Variants in CHST15 observed in about 807,000 individuals in gnomAD.
CHST15 encodes carbohydrate sulfotransferase 15, also known as B cell RAG associated protein (GALNAC4S-6ST).
A neutral mutation model predicts 53.6 loss-of-function variants in CHST15; 30 were observed. The observed-to-expected ratio is 0.56, with a 90% CI of 0.42 to 0.76. The LOEUF is 0.76. Among genes scored for constraint, CHST15 ranks in the 30% least tolerant of loss-of-function variants. The pLI is 0.00. For missense variants in CHST15, 627 were observed against 740.5 expected, an observed-to-expected ratio of 0.85 and a Z score of 1.78; for synonymous variants, 296 against 289.8, an observed-to-expected ratio of 1.02 and a Z score of -0.22.
At position 124,074,428 on chromosome 10, in the gene CHST15, T is replaced by C. The variant is rs1949013892; in HGVS notation, c.-513+19041A>G. Among the ~76,000 whole-genome samples, 1 of 152,152 alleles carries C rather than the reference T, an allele frequency of 6.6e-6. No individual in the cohort carries two copies. The highest frequency in any genetic ancestry group is 2.1e-4 in the South Asian group (1 of 4,834). On this transcript the variant is annotated intron_variant, in intron 1 of 7. Coordinates refer to ENST00000435907, the MANE Select transcript of CHST15 (RefSeq NM_001270764.2). This position sits in a 1 kb window ranked among gnomAD's most constrained non-coding sequence, Gnocchi z 4.4. ...GTGGCAGGTAGGGGCGGGGGCCTAGTTGGGAGCATCGCCCAGTTGTGATCA... is the reference window on the plus strand; with the variant it reads ...GTGGCAGGTAGGGGCGGGGGCCTAGCTGGGAGCATCGCCCAGTTGTGATCA...
intron 1 of CHST15, among the ~76,000 whole-genome samples, chr10:124,087,308 A>G (rs1171688090): frequency 6.6e-6 from 1 of 152,108 alleles, no homozygotes; most frequent in Non-Finnish European, 1.5e-5. Context: ...TGGGATCGCC[A>G]CTTCTCCTTG....
chr10:124,066,722 G>A (rs994681702), intron 1 of CHST15, among the ~76,000 whole-genome samples: 1 of 152,208 alleles, frequency 6.6e-6, no homozygotes, highest in Non-Finnish European at 1.5e-5. Flanking sequence ...AAGAGGTGGA[G>A]ACCTTTCATC....
chr10:124,089,739 CT>C (rs1208903536), intron 1 of CHST15, among the ~76,000 whole-genome samples: 2 of 152,174 alleles, frequency 1.3e-5, no homozygotes, highest in Admixed American at 1.3e-4. Flanking sequence ...CCAAGCCTTG[CT>C]TTGCATCACC....
chr10:124,042,246 G>A, intron 4 of CHST15, 55 bp downstream of exon 4: 10 of 1,558,424 alleles, frequency 6.4e-6, no homozygotes, highest in Middle Eastern at 1.9e-4. Flanking sequence ...CCTGGAGCCA[G>A]AGCCAGGACC....
chr10:124,044,437 T>C (rs1190614051), intron 3 of CHST15, 143 bp downstream of exon 3: 6 of 672,720 alleles, frequency 8.9e-6, no homozygotes, highest in Non-Finnish European at 1.4e-5. Context: ...TGCTGGGTCT[T>C]TGCCTGGGAA....
intron 1 of CHST15, among the ~76,000 whole-genome samples, chr10:124,085,159 A>T (rs1381312206): frequency 1.4e-4 from 22 of 152,226 alleles, no homozygotes; most frequent in Admixed American, 1.4e-3. Context: ...AGTCCCTAAA[A>T]ATACATGCCA....
Position 124,081,757 on chromosome 10 carries a change from C to T in CHST15, c.-513+11712G>A, listed in dbSNP as rs531686479. 9.9e-5 allele frequency among the ~76,000 whole-genome samples: 15 copies of T among 152,270 alleles called. No homozygotes were observed. The South Asian group carries it at 3.1e-3, about 32-fold the overall frequency. ...ACAGCCGCCCTGTGGGACCACACCC[C>T]CAGGCCATGCAAGAAACCTGGCCCA... On this transcript the variant is annotated intron_variant, in intron 1 of 7. Transcript: ENST00000435907.
chr10:124,009,476 G>A lies in CHST15; in HGVS notation c.*673C>T. 1 of 989,032 alleles carries A rather than the reference G, an allele frequency of 1.0e-6. No homozygotes were observed. Among genetic ancestry groups the A allele is most frequent in the Non-Finnish European group, 1.2e-6 (1 of 832,140 alleles). 61.3% of individuals were successfully genotyped at this position (989,032 alleles called of 1,614,324 possible). A position where few individuals can be genotyped will look rare whatever the true frequency, so the allele number is the denominator to read the frequency against. ...AAAACTGACTTATTTTTTTCCTTTT[G>A]GAAACAGTGACGTTAACAGGGTTTA... On this transcript the variant is annotated 3_prime_UTR_variant, in exon 8 of 8. Coordinates refer to ENST00000435907, the MANE Select transcript of CHST15 (RefSeq NM_001270764.2).
intron 1 of CHST15, among the ~76,000 whole-genome samples, chr10:124,088,612 C>T (rs1949511932): frequency 6.6e-6 from 1 of 152,222 alleles, no homozygotes. Flanking sequence ...ATCCCTCCTC[C>T]TGCACATCCG....
In CHST15 at chr10:124,044,835, C is replaced by A. The variant is rs748985634; in HGVS notation, c.631G>T (p.Asp211Tyr). The A allele has an allele frequency of 6.5e-7, 1 of 1,548,642 alleles. No homozygotes were observed. The highest frequency in any genetic ancestry group is 2.4e-5 in the East Asian group (1 of 41,788). Residue 211 changes from aspartate (D) to tyrosine (Y), a missense_variant, in exon 3 of 8, where the codon GAC becomes TAC. Asp to Tyr is a radical substitution (Grantham distance 160). Around this residue, in one of 3 missense-constraint regions of CHST15, gnomAD observed 161 missense variants for 117.2 expected, o/e 1.37. Transcript: ENST00000435907. ...ACGTAGGAGTTGGTGAGGTAGGGGT[C>A]GGTGGTGTTCTGCCCCGAGAACTCC... ...YEEFSGQNTT[D>Y]PYLTNSYVLY... is the part of the protein sequence containing the mutation.
chr10:124,078,149 A>T (rs1949132547), intron 1 of CHST15, among the ~76,000 whole-genome samples: 1 of 152,232 alleles, frequency 6.6e-6, no homozygotes, highest in Admixed American at 6.5e-5. Flanking sequence ...CATTGCAGGT[A>T]AAGAAACAGA....
chr10:124,064,358 A>C (rs1590319569), intron 1 of CHST15, among the ~76,000 whole-genome samples: 2 of 152,220 alleles, frequency 1.3e-5, no homozygotes, highest in Admixed American at 1.3e-4. Context: ...GATGCAGTCA[A>C]AGTGCCTGTG....
At chr10:124,055,780 C>T (rs144898375) in intron 1 of CHST15, among the ~76,000 whole-genome samples, 8 of 152,300 alleles carry the variant, frequency 5.3e-5, no homozygotes, top group Admixed American at 6.5e-5. Context: ...TTTCCAGAAA[C>T]GCACCCATCC....
At chr10:124,042,959 C>A (rs1307428708) in intron 3 of CHST15, among the ~76,000 whole-genome samples, 1 of 152,168 alleles carries the variant, frequency 6.6e-6, no homozygotes, top group Admixed American at 6.5e-5. Context: ...CTCTCCTCCC[C>A]CTGTTCAATC....
At chr10:124,022,941 C>T (rs925496420) in intron 5 of CHST15, among the ~76,000 whole-genome samples, 3 of 151,688 alleles carry the variant, frequency 2.0e-5, no homozygotes, top group South Asian at 4.2e-4. Context: ...TTCAGCCTCC[C>T]GAGTAGTTGG....
intron 1 of CHST15, among the ~76,000 whole-genome samples, chr10:124,081,441 T>TC (rs2134214845): frequency 6.6e-6 from 1 of 152,234 alleles, no homozygotes; most frequent in East Asian, 1.9e-4. Flanking sequence ...AGACTTGATG[T>TC]AACAGCTGAT....
chr10:124,083,940 C>A (rs181014947), intron 1 of CHST15, among the ~76,000 whole-genome samples: 3 of 152,318 alleles, frequency 2.0e-5, no homozygotes, highest in East Asian at 3.9e-4. Flanking sequence ...CTCCGCAGTT[C>A]AACACGCCCA....
chr10:124,062,334 CT>C (rs1948602760), intron 1 of CHST15, among the ~76,000 whole-genome samples: 1 of 152,184 alleles, frequency 6.6e-6, no homozygotes, highest in Admixed American at 6.5e-5. Flanking sequence ...GGCACATACC[CT>C]TGTGGAAAGA....
At chr10:124,015,213 AT>A (rs888592829) in intron 6 of CHST15, among the ~76,000 whole-genome samples, 2 of 152,060 alleles carry the variant, frequency 1.3e-5, no homozygotes, top group East Asian at 1.9e-4. Context: ...CCCCCAGCAG[AT>A]TTTTTTTCCC....
Sources: allele counts gnomAD v4.1 joint callset (sites outside exome capture counted in the v4.1 genomes callset), GRCh38; gene constraint gnomAD v4.1.1; regional missense constraint gnomAD v4.1.1; non-coding constraint Gnocchi (gnomAD v3.1); transcripts MANE v1.5; gene names NCBI Gene and HGNC (gene_info 2026-07-23, HGNC 2026-07-21).